TPP2: variants seen among roughly 807,000 people sequenced by gnomAD.
TPP2 encodes the protein tripeptidyl-peptidase 2.
In TPP2, 34 loss-of-function variants were observed where a neutral mutation model predicts 155.9. The observed-to-expected ratio is 0.22, with a 90% CI of 0.17 to 0.29. TPP2 has a LOEUF of 0.29. Ranked by LOEUF, TPP2 falls within the 10% of genes least tolerant of loss-of-function variation. The pLI, the probability that TPP2 is intolerant of heterozygous loss-of-function variation, is 1.00. For missense variants in TPP2, 1,028 were observed against 1,522.3 expected (o/e 0.68, Z 5.40); for synonymous variants, 510 against 529.4 (o/e 0.96, Z 0.50).
intron 25 of TPP2, among the ~76,000 whole-genome samples, chr13:102,661,542 A>G (rs953526923): frequency 6.6e-6 from 1 of 152,096 alleles, no homozygotes; most frequent in African/African-American, 2.4e-5. Context: ...CTCCACACCC[A>G]GCCCCCAGAA....
At chr13:102,660,740 A>G (rs557108140) in intron 25 of TPP2, among the ~76,000 whole-genome samples, 4 of 152,340 alleles carry the variant, frequency 2.6e-5, no homozygotes, top group African/African-American at 9.6e-5. Flanking sequence ...ATAGAAAGCA[A>G]CAGTAAACAA....
intron 27 of TPP2, among the ~76,000 whole-genome samples, chr13:102,667,406 A>T (rs1376019255): frequency 2.0e-5 from 3 of 152,226 alleles, no homozygotes; most frequent in Non-Finnish European, 4.4e-5. Flanking sequence ...AAGGACTTAA[A>T]ACATGAGCAA....
intron 15 of TPP2, among the ~76,000 whole-genome samples, chr13:102,638,636 A>G (rs891974057): frequency 6.6e-6 from 1 of 152,116 alleles, no homozygotes; most frequent in Non-Finnish European, 1.5e-5. Flanking sequence ...GTAGTATTTG[A>G]CAATATTACT....
chr13:102,633,825 A>G (rs1373664562), intron 10 of TPP2, 125 bp from the exon 11 acceptor site: 2 of 1,349,182 alleles, frequency 1.5e-6, no homozygotes, highest in African/African-American at 1.4e-5. Flanking sequence ...CTGTGTCACT[A>G]TTTGTAATGA....
intron 2 of TPP2, among the ~76,000 whole-genome samples, chr13:102,613,182 T>G (rs1880453449): frequency 6.6e-6 from 1 of 152,214 alleles, no homozygotes; most frequent in Admixed American, 6.5e-5. Context: ...CACAGAGGCC[T>G]TCAAAAGGTC....
intron 2 of TPP2, among the ~76,000 whole-genome samples, chr13:102,611,580 CAGG>C (rs1880323831): frequency 6.6e-6 from 1 of 152,106 alleles, no homozygotes. Context: ...GAGGCTGAGA[CAGG>C]AGAACACAGA....
chr13:102,674,694 T>C (rs950370448), intron 28 of TPP2, among the ~76,000 whole-genome samples: 7 of 152,250 alleles, frequency 4.6e-5, no homozygotes, highest in Non-Finnish European at 7.3e-5. Context: ...AAACTGGCTG[T>C]TAAACCACAA....
chr13:102,626,913 G>A lies in TPP2; in HGVS notation c.785-99G>A. ...TCCATGAACAGGGTAGCAGAGTAAT[G>A]TGTATTCTTTTTATCATGATTAATA... On this transcript the variant is annotated intron_variant, in intron 6 of 29. Transcript: ENST00000376052. 5 of 1,252,830 alleles carry A rather than the reference G, an allele frequency of 4.0e-6. No homozygotes were observed. In the South Asian group the frequency reaches 8.7e-5, roughly 22 times the overall value. The allele number at this position is 1,252,830 out of a possible 1,614,324, so 77.6% of individuals were successfully genotyped here.
chr13:102,622,067 A>C (rs1881208487), intron 5 of TPP2, among the ~76,000 whole-genome samples: 1 of 152,146 alleles, frequency 6.6e-6, no homozygotes, highest in Non-Finnish European at 1.5e-5. Flanking sequence ...CTTTTTTCCA[A>C]AGTGTTGTAA....
chr13:102,675,696 G>T (rs900118840), intron 28 of TPP2, among the ~76,000 whole-genome samples: 4 of 152,124 alleles, frequency 2.6e-5, no homozygotes, highest in Non-Finnish European at 4.4e-5. Context: ...TATATTAGGG[G>T]CTATGCATTC....
intron 8 of TPP2, 147 bp from the exon 9 acceptor site, chr13:102,629,335 A>G: frequency 3.5e-6 from 3 of 868,592 alleles, no homozygotes; most frequent in Non-Finnish European, 4.7e-6. Flanking sequence ...CAAGTAGGGT[A>G]TATCACTTAG....
chr13:102,672,133 A>G (rs1885021103), intron 27 of TPP2, among the ~76,000 whole-genome samples: 2 of 152,268 alleles, frequency 1.3e-5, no homozygotes, highest in East Asian at 3.9e-4. Flanking sequence ...CGAGTGACAG[A>G]TGAAAGGAAA....
chr13:102,643,498 T>G, intron 17 of TPP2, 122 bp downstream of exon 17: 5 of 1,014,246 alleles, frequency 4.9e-6, no homozygotes, highest in Middle Eastern at 3.3e-4. Context: ...TATATATTTT[T>G]TTAATGCCAA....
At chr13:102,645,858 G>A (rs906207479) in intron 19 of TPP2, among the ~76,000 whole-genome samples, 22 of 152,184 alleles carry the variant, frequency 1.4e-4, no homozygotes, top group African/African-American at 3.9e-4. Context: ...CAGGAGGAGG[G>A]CTGAGTGTGG....
At chr13:102,666,391 G>T (rs747260937) in intron 27 of TPP2, among the ~76,000 whole-genome samples, 16 of 152,244 alleles carry the variant, frequency 1.1e-4, no homozygotes, top group Non-Finnish European at 2.1e-4. Context: ...CATCCTCATT[G>T]TGTTCCTTTC....
rs369420167 is a variant in TPP2, at chr13:102,623,024, C to T, written c.768C>T (p.Ser256=). The part of the protein sequence containing the change: ...VNIYDDGNLL[S]IVTSGGAHGT... ...TATACGATGATGGAAACCTGCTCTC[C>T]ATTGTGACCAGTGGAGGTATCCCAT... is the stretch of plus-strand genomic sequence containing the variant. The change falls in exon 6 of 30, where the codon TCC becomes TCT. Residue 256 remains serine, a synonymous_variant. Transcript: ENST00000376052. 1.2e-6 allele frequency: 2 copies of T among 1,613,074 alleles called. No individual in the cohort carries two copies. The highest frequency in any genetic ancestry group is 1.7e-6 in the Non-Finnish European group (2 of 1,179,740).
At chr13:102,626,096 A>G (rs746551117) in intron 6 of TPP2, among the ~76,000 whole-genome samples, 2 of 152,170 alleles carry the variant, frequency 1.3e-5, no homozygotes, top group Non-Finnish European at 2.9e-5. Context: ...AACTCCCATC[A>G]TGCCCCTTCC....
At chr13:102,615,796 T>A (rs1880674129) in intron 3 of TPP2, among the ~76,000 whole-genome samples, 1 of 152,158 alleles carries the variant, frequency 6.6e-6, no homozygotes, top group Admixed American at 6.5e-5. Flanking sequence ...GGGAATTCAG[T>A]CAGTATTCTT....
rs1272401379 is a variant in TPP2 at position 102,624,881 on chromosome 13, CAG to C, written c.784+1844_784+1845del. Among the ~76,000 whole-genome samples, 798 of 105,184 alleles carry C rather than the reference CAG, an allele frequency of 7.6e-3. 9 individuals carry two copies. Among genetic ancestry groups the C allele is most frequent in the Admixed American group, 0.011 (78 of 7,058 alleles). The allele number at this position is 105,184 out of a possible 152,430, so 69.0% of individuals were successfully genotyped here. On this transcript the variant is annotated intron_variant, in intron 6 of 29. Transcript: ENST00000376052. ...TTTTTTTTTTTTTTTTTTTTTGAGA[CAG>C]AGTCTCGCTCTGTCGCCCAGGCTGG...
Sources: gnomAD v4.1 joint callset for allele counts (sites outside exome capture counted in the v4.1 genomes callset) on GRCh38, gnomAD v4.1.1 for gene constraint, MANE v1.5 for transcripts, NCBI Gene and HGNC (gene_info 2026-07-23, HGNC 2026-07-21) for gene names.